The following LIFR variants were observed in gnomAD, a reference collection of about 807,000 sequenced individuals.
LIFR encodes the protein LIF receptor subunit alpha, also known as leukemia inhibitory factor receptor.
Under a neutral mutation model 122.2 loss-of-function variants are expected in LIFR, and 84 were observed. That is an observed-to-expected ratio of 0.69 (90% CI 0.58 to 0.82). The LOEUF is 0.82. Among genes scored for constraint, LIFR ranks in the 40% least tolerant of loss-of-function variants. LIFR has a pLI of 0.00. For missense variants in LIFR, 1,294 were observed against 1,311.6 expected (o/e 0.99, Z 0.21); for synonymous variants, 422 against 434.7 (o/e 0.97, Z 0.36).
intron 17 of LIFR, chr5:38,485,581 T>C (rs1744243098): frequency 3.5e-6 from 2 of 573,738 alleles, no homozygotes; most frequent in Admixed American, 6.0e-5. Flanking sequence ...AGACTTCAGA[T>C]GTATCCCAAA....
At chr5:38,575,674 A>G (rs1169114513) in intron 1 of LIFR, among the ~76,000 whole-genome samples, 1 of 152,190 alleles carries the variant, frequency 6.6e-6, no homozygotes, top group African/African-American at 2.4e-5. Flanking sequence ...GCACAAATTA[A>G]CAAACACACA....
At chr5:38,547,665 C>T (rs922610989) in intron 1 of LIFR, among the ~76,000 whole-genome samples, 1 of 152,098 alleles carries the variant, frequency 6.6e-6, no homozygotes, top group African/African-American at 2.4e-5. Flanking sequence ...TAGTTTTACA[C>T]ACTGTCAAAT....
rs551509742 is a variant in LIFR at position 38,513,818 on chromosome 5, A to T, written c.562-1854T>A. ...AAAGTTCCAATTAGATTAAAAAAAA[A>T]TTTTTAACAGCCCCTCGCTTAACTG... On this transcript the variant is annotated intron_variant, in intron 5 of 19. Coordinates refer to ENST00000453190, the MANE Select transcript of LIFR (RefSeq NM_001127671.2). 5.3e-4 allele frequency among the ~76,000 whole-genome samples: 81 copies of T among 152,300 alleles called. 1 individual carries two copies. In the East Asian group the frequency reaches 7.1e-3, roughly 13 times the overall value.
chr5:38,504,701 G>A (rs1018274234), intron 9 of LIFR, among the ~76,000 whole-genome samples: 14 of 152,130 alleles, frequency 9.2e-5, no homozygotes, highest in African/African-American at 3.1e-4. Context: ...GTTGAGTGGC[G>A]GGAAAGAATC....
intron 1 of LIFR, among the ~76,000 whole-genome samples, chr5:38,571,341 C>T (rs908643189): frequency 5.9e-5 from 9 of 152,058 alleles, no homozygotes; most frequent in African/African-American, 1.7e-4. Context: ...CACTTGAAGT[C>T]AGGAGTTCGA....
At chr5:38,555,713 G>C (rs184905222) in intron 1 of LIFR, among the ~76,000 whole-genome samples, 819 of 72,686 alleles carry the variant, frequency 0.011, 3 homozygotes, top group Middle Eastern at 0.03. Flanking sequence ...AGCGGAATGT[G>C]GGGGGTGGGG....
At chr5:38,527,545 T>C (rs1349409919) in intron 3 of LIFR, among the ~76,000 whole-genome samples, 1 of 152,176 alleles carries the variant, frequency 6.6e-6, no homozygotes, top group Non-Finnish European at 1.5e-5. Flanking sequence ...CTGGAGTTTT[T>C]GCATGCCTTT....
intron 1 of LIFR, among the ~76,000 whole-genome samples, chr5:38,541,903 C>T (rs556033059): frequency 2.6e-4 from 39 of 151,870 alleles, no homozygotes; most frequent in South Asian, 6.2e-4. Context: ...GGGAAAACCA[C>T]AAAAAAAGGT....
At chr5:38,488,375 C>A (rs999474129) in intron 16 of LIFR, among the ~76,000 whole-genome samples, 1 of 152,184 alleles carries the variant, frequency 6.6e-6, no homozygotes. Context: ...AAAATGATTT[C>A]TTTCTGAGGC....
chr5:38,559,761 G>A (rs150586399), upstream of LIFR, among the ~76,000 whole-genome samples: 90 of 152,334 alleles, frequency 5.9e-4, 2 homozygotes, highest in South Asian at 9.9e-3. Flanking sequence ...AAAATGTTGA[G>A]CTGTAAGTAC....
chr5:38,506,687 T>C (rs1745505949), intron 7 of LIFR, 55 bp from the exon 8 acceptor site: 2 of 1,431,208 alleles, frequency 1.4e-6, no homozygotes, highest in Non-Finnish European at 2.0e-6. Flanking sequence ...CCTGAAAACA[T>C]AATATTTTAT....
chr5:38,487,629 C>A (rs73077459), intron 16 of LIFR, among the ~76,000 whole-genome samples: 1 of 152,120 alleles, frequency 6.6e-6, no homozygotes, highest in Non-Finnish European at 1.5e-5. Flanking sequence ...ATAAAAATTA[C>A]GTAAATATGG....
Position 38,525,716 on chromosome 5 carries a change from C to T in LIFR, c.397+1439G>A, listed in dbSNP as rs73077489. Reference sequence around the variant, plus strand: ...GTGGAAAAGGAAAAATGCAGACAAACGAGAGGCAAGAAGTTGATTTAGTGC... The same window carrying T: ...GTGGAAAAGGAAAAATGCAGACAAATGAGAGGCAAGAAGTTGATTTAGTGC... On this transcript the variant is annotated intron_variant, in intron 4 of 19. Coordinates refer to ENST00000453190, the MANE Select transcript of LIFR (RefSeq NM_001127671.2). 4.3e-3 allele frequency among the ~76,000 whole-genome samples: 653 copies of T among 152,224 alleles called. 5 individuals are homozygous for T. Among genetic ancestry groups the T allele is most frequent in the African/African-American group, 0.015 (610 of 41,534 alleles).
At chr5:38,495,914 A>G (rs1206077362) in intron 13 of LIFR, among the ~76,000 whole-genome samples, 1 of 152,144 alleles carries the variant, frequency 6.6e-6, no homozygotes, top group Admixed American at 6.5e-5. Context: ...ACTTTTTTTA[A>G]TCAATAAAGA....
chr5:38,537,898 C>T (rs62355822), intron 1 of LIFR, among the ~76,000 whole-genome samples: 5,939 of 152,230 alleles, frequency 0.039, 171 homozygotes, highest in Middle Eastern at 0.095. Context: ...ATTCCCCAAT[C>T]GCTTTTACTT....
At chr5:38,557,001 C>G (rs964566998), upstream of LIFR, 5 of 152,206 alleles carry the variant, frequency 3.3e-5, no homozygotes, top group East Asian at 1.9e-4. Flanking sequence ...CGAATGCGGC[C>G]GCTGCTGCCG....
chr5:38,583,298 T>C (rs1474285423), intron 1 of LIFR, among the ~76,000 whole-genome samples: 1 of 152,234 alleles, frequency 6.6e-6, no homozygotes, highest in Non-Finnish European at 1.5e-5. Context: ...GTATTAATCA[T>C]ATGCTTTATG....
intron 1 of LIFR, among the ~76,000 whole-genome samples, chr5:38,552,629 T>C (rs976139585): frequency 2.6e-5 from 4 of 152,196 alleles, no homozygotes; most frequent in African/African-American, 9.7e-5. Flanking sequence ...TAAATCACTA[T>C]AATTTACTGA....
At chr5:38,507,237 A>T (rs983830796) in intron 7 of LIFR, among the ~76,000 whole-genome samples, 7 of 144,028 alleles carry the variant, frequency 4.9e-5, no homozygotes, top group East Asian at 4.0e-4. Context: ...ATTAAAAGAA[A>T]TTTTTTTTTT....
Sources: allele counts gnomAD v4.1 joint callset (sites outside exome capture counted in the v4.1 genomes callset), GRCh38; gene constraint gnomAD v4.1.1; transcripts MANE v1.5; gene names NCBI Gene and HGNC (gene_info 2026-07-23, HGNC 2026-07-21).